The following FARP1 variants were observed in gnomAD, a reference collection of about 807,000 sequenced individuals.
The protein encoded by FARP1 is FERM, ARH/RhoGEF and pleckstrin domain protein 1.
Under a neutral mutation model 128.8 loss-of-function variants are expected in FARP1, and 52 were observed. The observed-to-expected ratio is 0.40, with a 90% CI of 0.32 to 0.51. The LOEUF (loss-of-function observed/expected upper bound fraction) is 0.51, where lower values mean the gene tolerates loss of function less well. Ranked by LOEUF, FARP1 falls within the 20% of genes least tolerant of loss-of-function variation. The probability of loss-of-function intolerance (pLI) is 0.45; values close to 1 mark genes in which losing one functional copy is unlikely to be tolerated. For missense variants in FARP1, 1,333 were observed against 1,367.9 expected (o/e 0.97, Z 0.40); for synonymous variants, 580 against 551.8 (o/e 1.05, Z -0.72).
intron 16 of FARP1, among the ~76,000 whole-genome samples, chr13:98,424,292 A>C (rs917458265): frequency 6.6e-6 from 1 of 152,222 alleles, no homozygotes; most frequent in Non-Finnish European, 1.5e-5. Flanking sequence ...ATCAAACTCC[A>C]GTGTGCAGAT....
At chr13:98,224,978 A>G (rs1357852917) in intron 2 of FARP1, among the ~76,000 whole-genome samples, 2 of 152,326 alleles carry the variant, frequency 1.3e-5, no homozygotes, top group Non-Finnish European at 1.5e-5. Context: ...GGCAGGCATC[A>G]ATAAGAATAC....
chr13:98,429,467 C>G (rs1305117180), intron 17 of FARP1, among the ~76,000 whole-genome samples: 1 of 152,162 alleles, frequency 6.6e-6, no homozygotes, highest in Non-Finnish European at 1.5e-5. Flanking sequence ...GGCTGGAGAC[C>G]ACACAGCCAG....
chr13:98,329,189 G>C (rs898258481), intron 2 of FARP1: 3 of 152,232 alleles, frequency 2.0e-5, no homozygotes, highest in Admixed American at 6.5e-5. Flanking sequence ...ACCGTCACAT[G>C]ACTAGTTTTG....
intron 19 of FARP1, 134 bp downstream of exon 19, chr13:98,435,840 T>G (rs1340767837): frequency 5.5e-6 from 5 of 901,184 alleles, no homozygotes; most frequent in Non-Finnish European, 9.3e-6. Flanking sequence ...GGGAGACAAC[T>G]GGAAAAACAC....
chr13:98,180,212 A>G (rs4771294), intron 1 of FARP1, among the ~76,000 whole-genome samples: 75,997 of 151,934 alleles, frequency 0.5, 19,443 homozygotes, highest in East Asian at 0.73. Flanking sequence ...GCCCCAGTAA[A>G]CTTCCAGTTG....
At chr13:98,306,193 G>A (rs952362990) in intron 2 of FARP1, among the ~76,000 whole-genome samples, 2 of 152,220 alleles carry the variant, frequency 1.3e-5, no homozygotes, top group African/African-American at 4.8e-5. Context: ...GCATTGTGTT[G>A]TTGGGAGACT....
chr13:98,430,708 T>G (rs929554699), intron 17 of FARP1, among the ~76,000 whole-genome samples: 6 of 152,222 alleles, frequency 3.9e-5, no homozygotes, highest in African/African-American at 1.4e-4. Flanking sequence ...CAGCCCTCCT[T>G]AAGGAGCTCC....
At chr13:98,278,992 A>ATTTTTTTTT (rs34010258) in intron 2 of FARP1, among the ~76,000 whole-genome samples, 1 of 137,766 alleles carries the variant, frequency 7.3e-6, no homozygotes, top group Non-Finnish European at 1.6e-5. Flanking sequence ...CGCCCTGCTA[A>ATTTTTTTTT]TTTTTTTTTT....
intron 19 of FARP1, among the ~76,000 whole-genome samples, chr13:98,436,867 T>A (rs1349055156): frequency 6.6e-6 from 1 of 152,206 alleles, no homozygotes; most frequent in Non-Finnish European, 1.5e-5. Flanking sequence ...AGTTATAAAA[T>A]ATTTAGCATC....
chr13:98,355,995 T>C (rs1353985231), intron 3 of FARP1, among the ~76,000 whole-genome samples: 1 of 152,218 alleles, frequency 6.6e-6, no homozygotes, highest in Admixed American at 6.5e-5. Flanking sequence ...TTAAAGTAAT[T>C]TACTGATACT....
chr13:98,379,913 C>G (rs1889826452), intron 6 of FARP1, among the ~76,000 whole-genome samples: 1 of 152,152 alleles, frequency 6.6e-6, no homozygotes, highest in African/African-American at 2.4e-5. Context: ...CCAGTACATG[C>G]TAGGTATTCA....
chr13:98,436,976 C>G (rs1045255722), intron 19 of FARP1, among the ~76,000 whole-genome samples: 1 of 152,198 alleles, frequency 6.6e-6, no homozygotes, highest in Admixed American at 6.5e-5. Flanking sequence ...AGGAGGTGGC[C>G]CTGGGTTCAA....
chr13:98,388,590 C>T, intron 9 of FARP1, 112 bp downstream of exon 9: 1 of 781,454 alleles, frequency 1.3e-6, no homozygotes, highest in South Asian at 1.5e-5. Flanking sequence ...GCCAGTGCTA[C>T]CCAGGTGCTT....
chr13:98,290,826 GT>G (rs1885416246), intron 2 of FARP1, among the ~76,000 whole-genome samples: 1 of 152,142 alleles, frequency 6.6e-6, no homozygotes, highest in Admixed American at 6.5e-5. Context: ...TGACTCCAAG[GT>G]TTTTGGGCCA....
At chr13:98,235,821 CTT>C (rs546997027) in intron 2 of FARP1, among the ~76,000 whole-genome samples, 4 of 137,016 alleles carry the variant, frequency 2.9e-5, no homozygotes, top group Admixed American at 7.4e-5. Flanking sequence ...TCACCTCTGT[CTT>C]TTTTTTTTTT....
At chr13:98,221,816 G>A (rs1881429830) in intron 2 of FARP1, among the ~76,000 whole-genome samples, 1 of 152,158 alleles carries the variant, frequency 6.6e-6, no homozygotes, top group African/African-American at 2.4e-5. Context: ...CTCTAGGGTA[G>A]GTCTTCTCAA....
rs143090145 is a variant in FARP1 at position 98,287,330 on chromosome 13, T to C, written c.172-56432T>C. Among the ~76,000 whole-genome samples the C allele has an allele frequency of 2.5e-3, 371 of 147,196 alleles. 3 individuals carry two copies. The highest frequency in any genetic ancestry group is 0.02 in the East Asian group (96 of 4,788). ...CTGCAACCTTCTCCTCCCGGGTTCA[T>C]GCCATTCTCCTGCCTCAGCCTCCCG... On this transcript the variant is annotated intron_variant, in intron 2 of 26. Transcript: ENST00000319562.
chr13:98,406,267 T>C (rs556987323), intron 13 of FARP1: 1 of 152,256 alleles, frequency 6.6e-6, no homozygotes, highest in South Asian at 2.1e-4. Flanking sequence ...ATATTTTGTT[T>C]GGACCACGTC....
intron 5 of FARP1, among the ~76,000 whole-genome samples, chr13:98,371,442 C>A (rs1274856724): frequency 1.3e-5 from 2 of 152,070 alleles, no homozygotes; most frequent in Admixed American, 6.6e-5. Context: ...CTGGACGGAG[C>A]AGGTTTTTGT....
Sources: gnomAD v4.1 joint callset for allele counts (sites outside exome capture counted in the v4.1 genomes callset) on GRCh38, gnomAD v4.1.1 for gene constraint, MANE v1.5 for transcripts, NCBI Gene and HGNC (gene_info 2026-07-23, HGNC 2026-07-21) for gene names.